Variants in PABPC4L observed in about 807,000 individuals in gnomAD.
The protein encoded by PABPC4L is poly(A) binding protein cytoplasmic 4 like.
For missense variants in PABPC4L, 452 were observed against 451.4 expected (o/e 1.00, Z -0.01); for synonymous variants, 169 against 164.1 (o/e 1.03, Z -0.23).
the PABPC4L span, among the ~76,000 whole-genome samples, chr4:133,950,859 G>T: frequency 0.33 from 50,048 of 151,924 alleles, 8,988 homozygotes; most frequent in East Asian, 0.52. Context: ...GAAAACTTGT[G>T]TGACCCATTC....
chr4:134,133,272 A>G, the PABPC4L span, among the ~76,000 whole-genome samples: 1 of 138,530 alleles, frequency 7.2e-6, no homozygotes, highest in Non-Finnish European at 1.5e-5. Flanking sequence ...ATACTAAATT[A>G]TTTATTATAT....
Position 134,197,507 on chromosome 4 carries a change from C to A in PABPC4L, c.*2400G>T, listed in dbSNP as rs1729700194. 6.6e-6 allele frequency: 1 copy of A among 151,658 alleles called. No individual in the cohort carries two copies. The highest frequency in any genetic ancestry group is 1.5e-5 in the Non-Finnish European group (1 of 67,598). 9.4% of individuals were successfully genotyped at this position (151,658 alleles called of 1,614,324 possible). The stretch of plus-strand genomic sequence containing the variant: ...TACTAAAACTTTCCAGCTTAACATT[C>A]AATTTTGGAATAACCTTCAAAACTA... On this transcript the variant is annotated 3_prime_UTR_variant, in exon 2 of 2. Coordinates refer to ENST00000421491, the MANE Select transcript of PABPC4L (RefSeq NM_001114734.2).
the PABPC4L span, among the ~76,000 whole-genome samples, chr4:134,140,994 A>T: frequency 6.6e-6 from 1 of 151,820 alleles, no homozygotes; most frequent in East Asian, 1.9e-4. Context: ...TTGCAGTAAA[A>T]CAAATATGTA....
the PABPC4L span, among the ~76,000 whole-genome samples, chr4:134,022,117 C>T: frequency 3.3e-5 from 5 of 152,070 alleles, no homozygotes; most frequent in Non-Finnish European, 5.9e-5. Flanking sequence ...GTTACAATTG[C>T]CAGATTATGA....
chr4:134,175,596 G>A, the PABPC4L span, among the ~76,000 whole-genome samples: 3 of 151,810 alleles, frequency 2.0e-5, no homozygotes, highest in African/African-American at 7.3e-5. Context: ...TTACAGGCAT[G>A]TGCCATCACG....
the PABPC4L span, among the ~76,000 whole-genome samples, chr4:134,097,278 G>A: frequency 6.6e-6 from 1 of 151,890 alleles, no homozygotes; most frequent in East Asian, 1.9e-4. Context: ...TTATATGAAA[G>A]AAGGAGACTC....
the PABPC4L span, among the ~76,000 whole-genome samples, chr4:134,143,172 T>C: frequency 4.6e-5 from 7 of 151,228 alleles, no homozygotes; most frequent in Admixed American, 4.6e-4. Flanking sequence ...TGACAAGCTC[T>C]ATTGTACTAT....
the PABPC4L span, among the ~76,000 whole-genome samples, chr4:134,176,541 T>C: frequency 2.6e-5 from 4 of 152,038 alleles, no homozygotes; most frequent in East Asian, 7.8e-4. Flanking sequence ...TAATCAGATT[T>C]AGGGTGAGGC....
chr4:134,140,884 T>A, the PABPC4L span, among the ~76,000 whole-genome samples: 4 of 151,620 alleles, frequency 2.6e-5, no homozygotes, highest in Middle Eastern at 3.4e-3. Flanking sequence ...GGAAAAAAAA[T>A]GTAGATTAAA....
Position 134,198,966 on chromosome 4 carries a change from A to T in PABPC4L, c.*941T>A, listed in dbSNP as rs1004958603. ...AAAATAGAGGAACTTACTTTTCTGA[A>T]CCCTAAGAGAAAATCACTACACAAA... On this transcript the variant is annotated 3_prime_UTR_variant, in exon 2 of 2. Coordinates refer to ENST00000421491, the MANE Select transcript of PABPC4L (RefSeq NM_001114734.2). The T allele has an allele frequency of 5.3e-5, 8 of 152,024 alleles. No individual in the cohort carries two copies. Among genetic ancestry groups the T allele is most frequent in the South Asian group, 2.1e-4 (1 of 4,830 alleles). 9.4% of individuals were successfully genotyped at this position (152,024 alleles called of 1,614,324 possible).
chr4:134,061,361 C>T, the PABPC4L span, among the ~76,000 whole-genome samples: 5 of 151,662 alleles, frequency 3.3e-5, no homozygotes, highest in Admixed American at 1.3e-4. Flanking sequence ...AATGACCCAC[C>T]GAATTAAAGA....
chr4:133,960,568 G>A, the PABPC4L span, among the ~76,000 whole-genome samples: 9 of 152,180 alleles, frequency 5.9e-5, no homozygotes, highest in Non-Finnish European at 8.8e-5. Context: ...AAGCCTCCTG[G>A]TCAGAACTCG....
chr4:134,150,458 C>CT, the PABPC4L span, among the ~76,000 whole-genome samples: 1 of 152,040 alleles, frequency 6.6e-6, no homozygotes, highest in Admixed American at 6.6e-5. Context: ...CCAGATATAT[C>CT]TGTAGTATTA....
chr4:134,182,098 A>G, the PABPC4L span, among the ~76,000 whole-genome samples: 2 of 151,840 alleles, frequency 1.3e-5, no homozygotes, highest in Non-Finnish European at 2.9e-5. Flanking sequence ...AGAACTAAAA[A>G]AACAAAAACA....
At chr4:134,154,775 A>T in the PABPC4L span, among the ~76,000 whole-genome samples, 4 of 152,036 alleles carry the variant, frequency 2.6e-5, no homozygotes, top group East Asian at 1.9e-4. Context: ...AATTTTTAAA[A>T]TTTTTTTAAA....
At chr4:134,107,254 ATAGAG>A in the PABPC4L span, among the ~76,000 whole-genome samples, 1 of 151,508 alleles carries the variant, frequency 6.6e-6, no homozygotes, top group Admixed American at 6.6e-5. Context: ...CATCTATAAA[ATAGAG>A]TAGATAGATA....
the PABPC4L span, among the ~76,000 whole-genome samples, chr4:134,097,716 G>A: frequency 0.51 from 76,656 of 151,668 alleles, 20,535 homozygotes; most frequent in East Asian, 0.94. Context: ...ATCACGACTC[G>A]ACTCTAACAA....
At chr4:134,073,185 A>C in the PABPC4L span, among the ~76,000 whole-genome samples, 1 of 152,204 alleles carries the variant, frequency 6.6e-6, no homozygotes, top group Admixed American at 6.5e-5. Context: ...ATGAGGCTGT[A>C]AAATCAAAAG....
At chr4:133,978,625 A>G in the PABPC4L span, among the ~76,000 whole-genome samples, 2 of 152,002 alleles carry the variant, frequency 1.3e-5, no homozygotes, top group South Asian at 4.2e-4. Context: ...GGCAGACATT[A>G]TTCTTCAGCC....
Sources: gnomAD v4.1 joint callset for allele counts (sites outside exome capture counted in the v4.1 genomes callset) on GRCh38, gnomAD v4.1.1 for gene constraint, MANE v1.5 for transcripts, NCBI Gene and HGNC (gene_info 2026-07-23, HGNC 2026-07-21) for gene names.